Variants in ADAMTSL1 observed in about 807,000 individuals in gnomAD.
ADAMTSL1 encodes ADAMTS-like protein 1.
A neutral mutation model predicts 201.8 loss-of-function variants in ADAMTSL1; 126 were observed. The observed-to-expected ratio is 0.62, with a 90% CI of 0.54 to 0.72. ADAMTSL1 has a LOEUF of 0.72. Ranked by LOEUF, ADAMTSL1 falls within the 30% of genes least tolerant of loss-of-function variation. The pLI is 0.00. For synonymous variants in ADAMTSL1, 1,121 were observed against 903.4 expected, an observed-to-expected ratio of 1.24 and a Z score of -4.32; for missense variants, 2,679 against 2,277.8, an observed-to-expected ratio of 1.18 and a Z score of -3.59.
intron 15 of ADAMTSL1, among the ~76,000 whole-genome samples, chr9:18,742,731 T>TA (rs1275907839): frequency 2.1e-5 from 3 of 140,880 alleles, no homozygotes; most frequent in African/African-American, 8.2e-5. Flanking sequence ...ACTCACTCTG[T>TA]ATAAAGGAGG....
At chr9:18,097,942 A>G (rs887118035) in intron 1 of ADAMTSL1, among the ~76,000 whole-genome samples, 2 of 151,640 alleles carry the variant, frequency 1.3e-5, no homozygotes, top group Admixed American at 1.3e-4. Context: ...TGCTTTTTCC[A>G]AAAGTTTTAT....
intron 2 of ADAMTSL1, among the ~76,000 whole-genome samples, chr9:18,394,724 A>T (rs746375431): frequency 4.8e-4 from 73 of 152,336 alleles, no homozygotes; most frequent in Non-Finnish European, 8.8e-4. Flanking sequence ...AAGGCACACC[A>T]ACCCCGAAAA....
intron 1 of ADAMTSL1, among the ~76,000 whole-genome samples, chr9:17,919,188 T>C (rs1192039369): frequency 1.3e-5 from 2 of 151,866 alleles, no homozygotes; most frequent in Non-Finnish European, 2.9e-5. Context: ...CAATGATAAG[T>C]ATTAATATGT....
At chr9:18,308,827 C>G (rs920312334) in intron 2 of ADAMTSL1, among the ~76,000 whole-genome samples, 2 of 152,186 alleles carry the variant, frequency 1.3e-5, no homozygotes, top group South Asian at 2.1e-4. Context: ...TCCTCCCTAA[C>G]TCATTTTATG....
intron 3 of ADAMTSL1, among the ~76,000 whole-genome samples, chr9:18,561,707 C>CCA (rs1821512921): frequency 6.6e-6 from 1 of 152,142 alleles, no homozygotes. Flanking sequence ...CTTGGTGCTC[C>CCA]TGAATTGGGT....
At chr9:18,317,002 A>C (rs926793939) in intron 2 of ADAMTSL1, among the ~76,000 whole-genome samples, 7 of 152,338 alleles carry the variant, frequency 4.6e-5, no homozygotes, top group African/African-American at 1.7e-4. Context: ...GGATGAGTGG[A>C]TAGGAAATTG....
At chr9:18,233,141 C>G (rs1830708103) in intron 2 of ADAMTSL1, among the ~76,000 whole-genome samples, 1 of 152,166 alleles carries the variant, frequency 6.6e-6, no homozygotes, top group Non-Finnish European at 1.5e-5. Flanking sequence ...TACAAAATAA[C>G]AAGCACCTCC....
intron 4 of ADAMTSL1, among the ~76,000 whole-genome samples, chr9:18,578,288 C>A (rs1822867195): frequency 6.6e-6 from 1 of 152,152 alleles, no homozygotes; most frequent in African/African-American, 2.4e-5. Flanking sequence ...TATACCTTTT[C>A]AAACCACATT....
chr9:18,640,853 G>A (rs1273360509), intron 7 of ADAMTSL1, among the ~76,000 whole-genome samples: 1 of 151,968 alleles, frequency 6.6e-6, no homozygotes, highest in East Asian at 1.9e-4. Context: ...CTAGTACCAT[G>A]GACCCTGAGC....
intron 1 of ADAMTSL1, among the ~76,000 whole-genome samples, chr9:17,994,835 C>T (rs1035103729): frequency 5.3e-5 from 8 of 151,960 alleles, no homozygotes; most frequent in African/African-American, 1.9e-4. Context: ...TTAAAGTGGA[C>T]GCATCAGTAT....
intron 2 of ADAMTSL1, among the ~76,000 whole-genome samples, chr9:18,404,715 C>A (rs2133281976): frequency 6.6e-6 from 1 of 152,302 alleles, no homozygotes; most frequent in African/African-American, 2.4e-5. Context: ...AGTAAATTTC[C>A]ATTAAAGCTC....
intron 2 of ADAMTSL1, among the ~76,000 whole-genome samples, chr9:18,522,324 A>T (rs1269900964): frequency 6.6e-6 from 1 of 152,208 alleles, no homozygotes; most frequent in Admixed American, 6.5e-5. Flanking sequence ...AATAATAACA[A>T]TGTATCTGCA....
chr9:18,041,302 C>T (rs1821417354), intron 1 of ADAMTSL1, among the ~76,000 whole-genome samples: 1 of 152,096 alleles, frequency 6.6e-6, no homozygotes, highest in Admixed American at 6.5e-5. Flanking sequence ...GAAGCAAGAA[C>T]TATTAATGTG....
chr9:18,855,307 G>C (rs374230858), intron 23 of ADAMTSL1, among the ~76,000 whole-genome samples: 1 of 152,298 alleles, frequency 6.6e-6, no homozygotes, highest in East Asian at 1.9e-4. Flanking sequence ...AGCATTCTGG[G>C]AGAAACATTT....
chr9:18,051,071 G>A (rs1198673463), intron 1 of ADAMTSL1, among the ~76,000 whole-genome samples: 1 of 152,204 alleles, frequency 6.6e-6, no homozygotes, highest in Non-Finnish European at 1.5e-5. Flanking sequence ...GGAGGCCAAG[G>A]CGGGCAGATC....
At chr9:18,582,495 TC>T (rs1823165275) in intron 4 of ADAMTSL1, among the ~76,000 whole-genome samples, 1 of 152,088 alleles carries the variant, frequency 6.6e-6, no homozygotes, top group South Asian at 2.1e-4. Flanking sequence ...TGAGAGCAGA[TC>T]TTTCCTGGTC....
At position 18,817,128 on chromosome 9, in the gene ADAMTSL1, G is replaced by C; in HGVS notation, c.3825G>C (p.Thr1275=). 6.2e-7 allele frequency: 1 copy of C among 1,607,452 alleles called. No homozygotes were observed. Among genetic ancestry groups the C allele is most frequent in the Non-Finnish European group, 8.5e-7 (1 of 1,177,108 alleles). The change falls in exon 21 of 29, where the codon ACG becomes ACC. Residue 1275 remains threonine, a synonymous_variant. Coordinates refer to ENST00000380548, the MANE Select transcript of ADAMTSL1 (RefSeq NM_001040272.6). ...CTTCAGGAAAGCCACTAGTGAAAAC[G>C]TCACGAATGACAGTGATCAACACGG... is the stretch of plus-strand genomic sequence containing the variant. ...VTLAGKPLVK[T]SRMTVINTEK... is the part of the protein sequence containing the mutation.
chr9:18,819,310 G>A (rs897918686), intron 21 of ADAMTSL1, among the ~76,000 whole-genome samples: 2 of 152,086 alleles, frequency 1.3e-5, no homozygotes, highest in African/African-American at 4.8e-5. Context: ...ACAAAAATTA[G>A]CCAGGCATGG....
intron 2 of ADAMTSL1, among the ~76,000 whole-genome samples, chr9:18,396,448 AAAT>A (rs1039601911): frequency 1.9e-4 from 29 of 149,446 alleles, no homozygotes; most frequent in East Asian, 3.9e-4. Context: ...CTATTCTAAT[AAAT>A]AATAATTTAA....
Sources: allele counts gnomAD v4.1 joint callset (sites outside exome capture counted in the v4.1 genomes callset), GRCh38; gene constraint gnomAD v4.1.1; transcripts MANE v1.5; gene names NCBI Gene and HGNC (gene_info 2026-07-23, HGNC 2026-07-21).